Variants in CNTN4 observed in about 807,000 individuals in gnomAD.
CNTN4 encodes contactin-4.
In CNTN4, 77 loss-of-function variants were observed where a neutral mutation model predicts 122.5. That is an observed-to-expected ratio of 0.63 (90% CI 0.52 to 0.76). CNTN4 has a LOEUF of 0.76. Among genes scored for constraint, CNTN4 ranks in the 30% least tolerant of loss-of-function variants. The pLI is 0.00. For synonymous variants in CNTN4, 512 were observed against 447.0 expected, an observed-to-expected ratio of 1.15 and a Z score of -1.83; for missense variants, 1,256 against 1,259.1, an observed-to-expected ratio of 1.00 and a Z score of 0.04.
At chr3:2,807,936 G>T (rs2092509051) in intron 6 of CNTN4, among the ~76,000 whole-genome samples, 1 of 152,148 alleles carries the variant, frequency 6.6e-6, no homozygotes, top group South Asian at 2.1e-4. Context: ...TTAAGAGAAG[G>T]TATAATTACT....
At chr3:2,580,981 T>C (rs1478650928) in intron 4 of CNTN4, among the ~76,000 whole-genome samples, 1 of 152,210 alleles carries the variant, frequency 6.6e-6, no homozygotes, top group Non-Finnish European at 1.5e-5. Flanking sequence ...ATGATAACTA[T>C]TGAAATTGAG....
At chr3:3,052,693 C>T (rs776167265) in intron 23 of CNTN4, among the ~76,000 whole-genome samples, 8 of 152,154 alleles carry the variant, frequency 5.3e-5, no homozygotes, top group Non-Finnish European at 1.0e-4. Context: ...CAAATGAATC[C>T]ACCTCCAAAC....
intron 2 of CNTN4, among the ~76,000 whole-genome samples, chr3:2,127,029 A>T (rs1378278575): frequency 6.6e-6 from 1 of 152,140 alleles, no homozygotes; most frequent in East Asian, 1.9e-4. Flanking sequence ...TTACATAGTT[A>T]ATTTAGTTTA....
chr3:2,350,319 G>C (rs974676703), intron 3 of CNTN4, among the ~76,000 whole-genome samples: 1 of 152,168 alleles, frequency 6.6e-6, no homozygotes, highest in Non-Finnish European at 1.5e-5. Flanking sequence ...CAAGGATTAG[G>C]AGAGCAGGTG....
chr3:2,506,615 T>C (rs1053263995), intron 3 of CNTN4, among the ~76,000 whole-genome samples: 5 of 152,238 alleles, frequency 3.3e-5, no homozygotes, highest in African/African-American at 9.6e-5. Context: ...AATTGAAGCA[T>C]GTTTGCATTG....
At chr3:2,533,002 C>G (rs534336736) in intron 3 of CNTN4, among the ~76,000 whole-genome samples, 1 of 152,186 alleles carries the variant, frequency 6.6e-6, no homozygotes, top group Admixed American at 6.5e-5. Context: ...TTTGCTTAGT[C>G]ACCGCCCAAA....
chr3:2,204,050 A>T (rs1487332290), intron 2 of CNTN4, among the ~76,000 whole-genome samples: 2 of 152,198 alleles, frequency 1.3e-5, no homozygotes, highest in Non-Finnish European at 2.9e-5. Flanking sequence ...TGTCATAAAC[A>T]ATTGTAACAT....
intron 8 of CNTN4, among the ~76,000 whole-genome samples, chr3:2,871,352 A>G (rs538202301): frequency 4.6e-5 from 7 of 152,378 alleles, no homozygotes; most frequent in Admixed American, 4.6e-4. Flanking sequence ...AAGACAGATT[A>G]CTATAGTGTA....
At chr3:2,939,871 C>A (rs2094597918) in intron 13 of CNTN4, among the ~76,000 whole-genome samples, 1 of 152,224 alleles carries the variant, frequency 6.6e-6, no homozygotes, top group Admixed American at 6.5e-5. Context: ...CACATCCATT[C>A]CCAGCTCTCT....
intron 3 of CNTN4, among the ~76,000 whole-genome samples, chr3:2,537,113 G>A (rs1003988267): frequency 4.6e-5 from 7 of 152,004 alleles, no homozygotes; most frequent in African/African-American, 1.7e-4. Flanking sequence ...AATTTTGGGG[G>A]GAATATTGTG....
rs148372705 is a variant in CNTN4, at chr3:2,384,069, T to C, written c.-89+44836T>C. ...TATTCTCTGAAGTTGGCTTTTCTGC[T>C]GGGAGAATAAGATTAGGGCCTACTT... is the stretch of plus-strand genomic sequence containing the variant. On this transcript the variant is annotated intron_variant, in intron 3 of 24. Transcript: ENST00000418658. Among the ~76,000 whole-genome samples, 9 of 152,312 alleles carry C rather than the reference T, an allele frequency of 5.9e-5. No individual in the cohort carries two copies. The East Asian group carries it at 1.7e-3, about 29-fold the overall frequency.
chr3:2,835,114 C>G (rs2093196172), intron 7 of CNTN4, among the ~76,000 whole-genome samples: 1 of 151,234 alleles, frequency 6.6e-6, no homozygotes, highest in South Asian at 2.1e-4. Context: ...ACCGTGTTAG[C>G]CAGGATGGTC....
chr3:2,467,658 G>A (rs752222992), intron 3 of CNTN4, among the ~76,000 whole-genome samples: 22 of 152,090 alleles, frequency 1.4e-4, no homozygotes, highest in Non-Finnish European at 2.9e-4. Context: ...ATAAACAGTA[G>A]TTATGCACTA....
chr3:2,748,730 C>T (rs930560329), intron 6 of CNTN4, among the ~76,000 whole-genome samples: 2 of 152,174 alleles, frequency 1.3e-5, no homozygotes, highest in African/African-American at 4.8e-5. Flanking sequence ...AACATCCAGT[C>T]CTACCTGCTC....
chr3:2,694,406 A>G (rs2085907065), intron 4 of CNTN4, among the ~76,000 whole-genome samples: 1 of 152,238 alleles, frequency 6.6e-6, no homozygotes, highest in East Asian at 1.9e-4. Context: ...TCTGTGTTCT[A>G]TACTTCTTTA....
At chr3:2,615,255 T>C (rs558973383) in intron 4 of CNTN4, among the ~76,000 whole-genome samples, 9 of 152,226 alleles carry the variant, frequency 5.9e-5, no homozygotes, top group Non-Finnish European at 1.0e-4. Context: ...AACAGGGTAT[T>C]GCATAAGTTG....
intron 14 of CNTN4, among the ~76,000 whole-genome samples, chr3:2,991,592 G>A (rs556614112): frequency 1.3e-5 from 2 of 152,222 alleles, no homozygotes; most frequent in East Asian, 3.9e-4. Context: ...TAGCATTAAT[G>A]GGAAGTACGT....
intron 2 of CNTN4, among the ~76,000 whole-genome samples, chr3:2,333,541 G>C (rs1368802159): frequency 6.6e-6 from 1 of 152,200 alleles, no homozygotes; most frequent in African/African-American, 2.4e-5. Context: ...TCCCAAGGAT[G>C]TGATTATCTC....
intron 17 of CNTN4, 80 bp downstream of exon 17, chr3:3,034,870 T>A: frequency 6.9e-7 from 1 of 1,441,976 alleles, no homozygotes; most frequent in Non-Finnish European, 9.8e-7. Context: ...AACGTCTAAG[T>A]TCTCATTCAG....
Sources: gnomAD v4.1 joint callset for allele counts (sites outside exome capture counted in the v4.1 genomes callset) on GRCh38, gnomAD v4.1.1 for gene constraint, MANE v1.5 for transcripts, NCBI Gene and HGNC (gene_info 2026-07-23, HGNC 2026-07-21) for gene names.